Variants in PSG9 observed in about 807,000 individuals in gnomAD.
The protein encoded by PSG9 is pregnancy-specific beta-1-glycoprotein 9.
In PSG9, 49 loss-of-function variants were observed where a neutral mutation model predicts 41.9. The ratio of observed to expected loss-of-function variants is 1.17; its 90% CI spans 0.93 to 1.48. The LOEUF is 1.48. Among genes scored for constraint, PSG9 ranks in the 40% most tolerant of loss-of-function variants. PSG9 has a pLI of 0.00. For missense variants in PSG9, 641 were observed against 520.3 expected, an observed-to-expected ratio of 1.23 and a Z score of -2.26; for synonymous variants, 263 against 196.8, an observed-to-expected ratio of 1.34 and a Z score of -2.82.
chr19:43,267,819 C>A lies in PSG9; in HGVS notation c.395G>T (p.Arg132Ile). 1 of 1,613,340 alleles carries A rather than the reference C, an allele frequency of 6.2e-7. No homozygotes were observed. Among genetic ancestry groups the A allele is most frequent in the Non-Finnish European group, 8.5e-7 (1 of 1,179,568 alleles). The change falls in exon 2 of 6, where the codon AGA becomes ATA. Residue 132 changes from arginine to isoleucine, a missense_variant. By Grantham distance (97) the Arg-to-Ile change is moderately conservative (BLOSUM62 -3). Coordinates refer to ENST00000270077, the MANE Select transcript of PSG9 (RefSeq NM_002784.5). ...LHIIKRGDETREEIRHFTFTL... is the reference protein window; with the variant it reads ...LHIIKRGDETIEEIRHFTFTL... The stretch of plus-strand genomic sequence containing the variant: ...GAAGGTGAAATGTCGAATTTCTTCT[C>A]TAGTCTCATCACCTCGCTTTATGAT...
intron 5 of PSG9, chr19:43,257,559 C>T (rs1341080016): frequency 4.1e-6 from 4 of 982,060 alleles, no homozygotes; most frequent in Non-Finnish European, 4.8e-6. Flanking sequence ...CTGAGGCTCC[C>T]TCTCTTCTTA....
intron 2 of PSG9, among the ~76,000 whole-genome samples, 154 bp downstream of exon 2, chr19:43,267,630 C>T (rs1343291293): frequency 1.3e-5 from 2 of 152,110 alleles, no homozygotes; most frequent in Non-Finnish European, 2.9e-5. Flanking sequence ...AAATTTGTCT[C>T]CTCTGTGTGT....
chr19:43,257,070 ATAT>A (rs2122503839), intron 5 of PSG9: 1 of 147,420 alleles, frequency 6.8e-6, no homozygotes, highest in South Asian at 2.1e-4. Context: ...AACCTTGAAG[ATAT>A]TATGCTAACT....
At chr19:43,267,363 C>A (rs868157275) in intron 2 of PSG9, among the ~76,000 whole-genome samples, 1 of 152,148 alleles carries the variant, frequency 6.6e-6, no homozygotes, top group African/African-American at 2.4e-5. Flanking sequence ...CTCAGCTTAA[C>A]TGGAGCAAGG....
chr19:43,269,300 C>T (rs1221846946), intron 1 of PSG9, 68 bp downstream of exon 1: 9 of 1,610,144 alleles, frequency 5.6e-6, no homozygotes, highest in Middle Eastern at 3.5e-4. Context: ...ACCCCATCCT[C>T]TCCAGGAGAC....
At chr19:43,261,576 A>G (rs1968714147) in intron 3 of PSG9, among the ~76,000 whole-genome samples, 1 of 152,158 alleles carries the variant, frequency 6.6e-6, no homozygotes, top group Admixed American at 6.5e-5. Flanking sequence ...AGTCCCAGCC[A>G]AATCCCTGCT....
chr19:43,265,359 G>A (rs1334670679), intron 2 of PSG9, among the ~76,000 whole-genome samples: 6 of 152,122 alleles, frequency 3.9e-5, no homozygotes, highest in Non-Finnish European at 8.8e-5. Context: ...CATCACTATT[G>A]TAGAACGTGA....
At chr19:43,260,389 C>T (rs1399640131) in intron 3 of PSG9, 1 of 146,960 alleles carries the variant, frequency 6.8e-6, no homozygotes, top group Non-Finnish European at 1.5e-5. Context: ...GTTTAGCATC[C>T]CAAATCTGAA....
chr19:43,262,900 G>A (rs762098408), intron 2 of PSG9, among the ~76,000 whole-genome samples: 1 of 152,166 alleles, frequency 6.6e-6, no homozygotes, highest in Non-Finnish European at 1.5e-5. Flanking sequence ...CCTTCCCCCT[G>A]TAGAGGGCAG....
intron 3 of PSG9, chr19:43,259,920 G>A (rs1437986396): frequency 2.7e-5 from 4 of 147,050 alleles, no homozygotes; most frequent in Non-Finnish European, 5.9e-5. Flanking sequence ...AGGACCATGT[G>A]GATCTTTCCA....
chr19:43,253,832 C>A lies in PSG9; in HGVS notation c.1244-186G>T, dbSNP rs1238734618. ...AGCCTTGCAAATACTCTTAGAACTGCATTGGTACCTAAAACTTCTTTCTCT... is the reference window on the plus strand; with the variant it reads ...AGCCTTGCAAATACTCTTAGAACTGAATTGGTACCTAAAACTTCTTTCTCT... On this transcript the variant is annotated intron_variant, in intron 5 of 5. Coordinates refer to ENST00000270077, the MANE Select transcript of PSG9 (RefSeq NM_002784.5). Among the ~76,000 whole-genome samples the A allele has an allele frequency of 6.1e-5, 9 of 146,530 alleles. 2 individuals are homozygous for A. Among genetic ancestry groups the A allele is most frequent in the African/African-American group, 1.8e-4 (7 of 38,532 alleles).
intron 2 of PSG9, among the ~76,000 whole-genome samples, chr19:43,262,373 G>A (rs112810184): frequency 0.012 from 1,795 of 152,222 alleles, 45 homozygotes; most frequent in African/African-American, 0.041. Context: ...TTGAGCAGCA[G>A]CATTGGGTCA....
At chr19:43,258,554 C>A in intron 4 of PSG9, 98 bp from the exon 5 acceptor site, 1 of 1,480,538 alleles carries the variant, frequency 6.8e-7, no homozygotes, top group South Asian at 1.4e-5. Context: ...AGCCAAGACA[C>A]ACCCTCAAGT....
chr19:43,257,637 C>G (rs1968494197), intron 5 of PSG9: 1 of 1,014,870 alleles, frequency 9.9e-7, no homozygotes, highest in Non-Finnish European at 1.2e-6. Flanking sequence ...AAATTCAGGA[C>G]AGGCCACCAG....
intron 2 of PSG9, among the ~76,000 whole-genome samples, chr19:43,266,166 G>T (rs1349617809): frequency 6.6e-6 from 1 of 151,830 alleles, no homozygotes; most frequent in Non-Finnish European, 1.5e-5. Flanking sequence ...AGACCCCAGG[G>T]CCCAGGTGCC....
rs8101210 is a variant in PSG9, at chr19:43,269,420, G to C, written c.12C>G (p.Leu4=). The change falls in exon 1 of 6, where the codon CTC becomes CTG. Residue 4 remains leucine, a synonymous_variant. Transcript: ENST00000270077. MGP[L]PAPSCTQRIT... is the part of the protein sequence containing the mutation. ...TGCGCTGTGTGCAGGAAGGGGCTGG[G>C]AGGGGCCCCATGGTCTCTGCTGCCT... 5.9e-5 allele frequency: 96 copies of C among 1,613,498 alleles called. 1 individual carries two copies. The African/African-American group carries it at 1.2e-3, about 20-fold the overall frequency.
In PSG9 at chr19:43,265,711, T is replaced by C. The variant is rs58350205; in HGVS notation, c.430+2073A>G. ...CAGACCACCATTTCAATAATTTTTT[T>C]TGTGTGTGTGTGCAGGAGGCCAGAA... On this transcript the variant is annotated intron_variant, in intron 2 of 5. Transcript: ENST00000270077. 6.4e-3 allele frequency among the ~76,000 whole-genome samples: 980 copies of C among 152,046 alleles called. 19 individuals carry two copies. Among genetic ancestry groups the C allele is most frequent in the African/African-American group, 0.023 (942 of 41,492 alleles).
At chr19:43,253,718 A>G in intron 5 of PSG9, 72 bp from the exon 6 acceptor site, 1 of 927,500 alleles carries the variant, frequency 1.1e-6, no homozygotes, top group African/African-American at 1.8e-5. Context: ...CTTCTTTCCT[A>G]CAGGCTCCCA....
At chr19:43,262,412 C>A (rs1785512945) in intron 2 of PSG9, among the ~76,000 whole-genome samples, 2 of 152,144 alleles carry the variant, frequency 1.3e-5, no homozygotes, top group Non-Finnish European at 2.9e-5. Context: ...GCAGTCACAG[C>A]CCCTGATGCC....
Sources: gnomAD v4.1 joint callset for allele counts (sites outside exome capture counted in the v4.1 genomes callset) on GRCh38, gnomAD v4.1.1 for gene constraint, MANE v1.5 for transcripts, NCBI Gene and HGNC (gene_info 2026-07-23, HGNC 2026-07-21) for gene names.